Variants in MPPE1 observed in about 807,000 individuals in gnomAD.
MPPE1 encodes the protein metallophosphoesterase 1, also known as metallo phosphoesterase.
MPPE1 carries 28 observed loss-of-function variants against 43.8 expected under a neutral mutation model. The observed-to-expected ratio is 0.64, with a 90% CI of 0.47 to 0.88. The LOEUF (loss-of-function observed/expected upper bound fraction) is 0.88, where lower values mean the gene tolerates loss of function less well. Ranked by LOEUF, MPPE1 falls within the 40% of genes least tolerant of loss-of-function variation. The pLI, the probability that MPPE1 is intolerant of heterozygous loss-of-function variation, is 0.00. For missense variants in MPPE1, 428 were observed against 492.2 expected (o/e 0.87, Z 1.23); for synonymous variants, 159 against 188.5 (o/e 0.84, Z 1.28).
Position 11,897,415 on chromosome 18 carries a change from C to G in MPPE1, c.-92-59G>C, listed in dbSNP as rs1014872649. 3 of 676,180 alleles carry G rather than the reference C, an allele frequency of 4.4e-6. No individual in the cohort carries two copies. In the African/African-American group the frequency reaches 5.4e-5, roughly 12 times the overall value. 41.9% of individuals were successfully genotyped at this position (676,180 alleles called of 1,614,324 possible). A position where few individuals can be genotyped will look rare whatever the true frequency, so the allele number is the denominator to read the frequency against. On this transcript the variant is annotated intron_variant, in intron 2 of 10. Transcript: ENST00000588072. ...CCTAATAATACAGGTATCACGACCTCCCTCTATTAAGAACTAATGAGTTAC... is the reference window on the plus strand; with the variant it reads ...CCTAATAATACAGGTATCACGACCTGCCTCTATTAAGAACTAATGAGTTAC...
chr18:11,888,769 T>C (rs775755235), intron 5 of MPPE1, 26 bp from the exon 6 acceptor site: 1 of 1,447,196 alleles, frequency 6.9e-7, no homozygotes, highest in Admixed American at 2.3e-5. Flanking sequence ...AGAAGAAACA[T>C]TTTTCAGGAC....
At position 11,886,962 on chromosome 18, in the gene MPPE1, TTC is replaced by T; in HGVS notation, c.631_632del (p.Glu211SerfsTer5). The T allele has an allele frequency of 6.2e-7, 1 of 1,613,904 alleles. No individual in the cohort carries two copies. The highest frequency in any genetic ancestry group is 8.5e-7 in the Non-Finnish European group (1 of 1,179,888). ...GDGCGICSET[E>X]AELIEVSHRL... Reference sequence around the variant, plus strand: ...TGTGAGAAACTTCAATGAGCTCTGCTTCTGTTTCAGAGCAGATGCCACAGCCA... The same window carrying T: ...TGTGAGAAACTTCAATGAGCTCTGCTTGTTTCAGAGCAGATGCCACAGCCA... On this transcript the variant is annotated frameshift_variant, in exon 7 of 11. Transcript: ENST00000588072. LOFTEE classifies it high-confidence loss of function. This position sits in a 1 kb window ranked among gnomAD's most constrained non-coding sequence, Gnocchi z 4.1.
intron 10 of MPPE1, chr18:11,885,139 T>G (rs910090724): frequency 2.0e-6 from 2 of 978,250 alleles, no homozygotes; most frequent in Admixed American, 7.2e-5. Context: ...TTACTTTGAA[T>G]TTGAAAATGT....
intron 3 of MPPE1, among the ~76,000 whole-genome samples, chr18:11,895,472 T>C (rs1055981942): frequency 6.6e-6 from 1 of 152,056 alleles, no homozygotes; most frequent in South Asian, 2.1e-4. Flanking sequence ...ATGGTACACA[T>C]CACCCCTGAA....
intron 2 of MPPE1, among the ~76,000 whole-genome samples, chr18:11,899,470 T>C (rs369106258): frequency 7.2e-5 from 11 of 152,260 alleles, no homozygotes; most frequent in African/African-American, 2.4e-4. Context: ...AAAATTTTTA[T>C]GGATTCATCC....
intron 1 of MPPE1, among the ~76,000 whole-genome samples, chr18:11,906,928 G>A (rs965251018): frequency 6.6e-5 from 10 of 151,846 alleles, no homozygotes; most frequent in Non-Finnish European, 1.3e-4. Context: ...TTAGAGATAG[G>A]GTCTCACTCC....
At position 11,882,704 on chromosome 18, in the gene MPPE1, A is replaced by T. The variant is rs1402184566; in HGVS notation, c.*1741T>A. ...CAGGCCAAAAAAAAAAAAAAAAAAA[A>T]CCTTGACGTGTCAATGTTTGTGTCT... On this transcript the variant is annotated 3_prime_UTR_variant, in exon 11 of 11. Coordinates refer to ENST00000588072, the MANE Select transcript of MPPE1 (RefSeq NM_023075.6). 6.6e-6 allele frequency: 1 copy of T among 151,076 alleles called. No individual in the cohort carries two copies. The highest frequency in any genetic ancestry group is 1.5e-5 in the Non-Finnish European group (1 of 67,808). 9.4% of individuals were successfully genotyped at this position (151,076 alleles called of 1,614,324 possible).
intron 3 of MPPE1, among the ~76,000 whole-genome samples, chr18:11,896,601 C>T (rs1348723565): frequency 5.3e-5 from 8 of 152,196 alleles, no homozygotes; most frequent in Non-Finnish European, 1.2e-4. Context: ...GGACCACCAA[C>T]CCACATCTGT....
chr18:11,891,794 T>G (rs1357145949), intron 4 of MPPE1, among the ~76,000 whole-genome samples: 1 of 152,128 alleles, frequency 6.6e-6, no homozygotes, highest in Non-Finnish European at 1.5e-5. Context: ...GTTTTGTTTT[T>G]GTTTGGGTTG....
intron 4 of MPPE1, chr18:11,891,223 C>T (rs1013899674): frequency 6.6e-6 from 1 of 152,168 alleles, no homozygotes; most frequent in African/African-American, 2.4e-5. Flanking sequence ...CCTATAATCC[C>T]AGCACTTTGG....
chr18:11,890,006 G>T (rs981460022), intron 4 of MPPE1, among the ~76,000 whole-genome samples: 4 of 150,030 alleles, frequency 2.7e-5, no homozygotes, highest in Admixed American at 2.7e-4. Context: ...GCAGTGGCAC[G>T]ATCTCGGCTC....
chr18:11,896,125 G>A (rs9951637), intron 3 of MPPE1, among the ~76,000 whole-genome samples: 17,912 of 104,526 alleles, frequency 0.17, 1,779 homozygotes, highest in African/African-American at 0.33. Context: ...TTTTTGAGAT[G>A]GAATCTTGCT....
rs1268988716 is a variant in MPPE1 at position 11,908,226 on chromosome 18, C to A, written c.-225G>T. The A allele has an allele frequency of 6.6e-6, 1 of 152,274 alleles. No individual in the cohort carries two copies. The highest frequency in any genetic ancestry group is 6.5e-5 in the Admixed American group (1 of 15,292). 9.4% of individuals were successfully genotyped at this position (152,274 alleles called of 1,614,324 possible). Reference sequence around the variant, plus strand: ...AACAGCCATGCTTTCCAGCTCTGCGCACAACGCCAGGCAGATGGGGAGCAC... The same window carrying A: ...AACAGCCATGCTTTCCAGCTCTGCGAACAACGCCAGGCAGATGGGGAGCAC... On this transcript the variant is annotated 5_prime_UTR_variant, in exon 1 of 11. Transcript: ENST00000588072.
rs1420955627 is a variant in MPPE1, at chr18:11,886,428, CTGCT to C, written c.867+67_867+70del. On this transcript the variant is annotated intron_variant, in intron 9 of 10. Transcript: ENST00000588072. This position sits in a 1 kb window ranked among gnomAD's most constrained non-coding sequence, Gnocchi z 4.1. ...AAACACCTGCTCTAGCCTGGGCACTCTGCTTGTTGACATGCAAGGTGATGAGAGT... is the reference window on the plus strand; with the variant it reads ...AAACACCTGCTCTAGCCTGGGCACTCTGTTGACATGCAAGGTGATGAGAGT... 4 of 1,608,674 alleles carry C rather than the reference CTGCT, an allele frequency of 2.5e-6. No individual in the cohort carries two copies. Among genetic ancestry groups the C allele is most frequent in the Non-Finnish European group, 3.4e-6 (4 of 1,176,404 alleles).
At chr18:11,891,277 C>T (rs1567943286) in intron 4 of MPPE1, 2 of 152,124 alleles carry the variant, frequency 1.3e-5, no homozygotes, top group Admixed American at 6.5e-5. Flanking sequence ...AGTTTGAGAC[C>T]AGCCTGGCCA....
rs748729673 is a variant in MPPE1 at position 11,886,540 on chromosome 18, T to C, written c.826A>G (p.Lys276Glu). 2 of 1,614,090 alleles carry C rather than the reference T, an allele frequency of 1.2e-6. No individual in the cohort carries two copies. The highest frequency in any genetic ancestry group is 1.7e-5 in the Admixed American group (1 of 60,010). ...APAEERDIPF[K>E]ENYDVLSREA... ...CGTGAAAGCACGTCATAGTTCTCCTTAAATGGGATGTCCCTTTCCTCTGCA... is the reference window on the plus strand; with the variant it reads ...CGTGAAAGCACGTCATAGTTCTCCTCAAATGGGATGTCCCTTTCCTCTGCA... The change falls in exon 9 of 11, where the codon AAG becomes GAG. Residue 276 changes from lysine (K) to glutamate (E), a missense_variant. Physicochemically the swap from Lys to Glu is moderately conservative, Grantham distance 56. Coordinates refer to ENST00000588072, the MANE Select transcript of MPPE1 (RefSeq NM_023075.6). The surrounding 1 kb of genome is among the most constrained non-coding windows in gnomAD (Gnocchi z 4.1).
intron 2 of MPPE1, chr18:11,902,855 C>G (rs2039339266): frequency 6.6e-6 from 1 of 152,262 alleles, no homozygotes; most frequent in East Asian, 1.9e-4. Context: ...CCTCCAGCTT[C>G]CCTGGATGAA....
intron 4 of MPPE1, among the ~76,000 whole-genome samples, chr18:11,890,036 G>A (rs1411781031): frequency 6.6e-6 from 1 of 150,458 alleles, no homozygotes; most frequent in East Asian, 2.0e-4. Flanking sequence ...TCTGCCTCCG[G>A]GGTTCACGCC....
intron 2 of MPPE1, 23 bp from the exon 3 acceptor site, chr18:11,897,379 C>T: frequency 1.0e-6 from 1 of 973,168 alleles, no homozygotes; most frequent in Non-Finnish European, 1.5e-6. Context: ...GAAAAGAATT[C>T]AGTTATGTTC....
Sources: gnomAD v4.1 joint callset for allele counts (sites outside exome capture counted in the v4.1 genomes callset) on GRCh38, gnomAD v4.1.1 for gene constraint, Gnocchi (gnomAD v3.1) non-coding constraint, MANE v1.5 for transcripts, NCBI Gene and HGNC (gene_info 2026-07-23, HGNC 2026-07-21) for gene names.